Variants in GABRB3 observed in about 807,000 individuals in gnomAD.
GABRB3 encodes the protein gamma-aminobutyric acid type A receptor subunit beta3.
In GABRB3, 14 loss-of-function variants were observed where a neutral mutation model predicts 52.1. That is an observed-to-expected ratio of 0.27 (90% CI 0.18 to 0.42). The LOEUF (loss-of-function observed/expected upper bound fraction) is 0.42, where lower values mean the gene tolerates loss of function less well. Among genes scored for constraint, GABRB3 ranks in the 10% least tolerant of loss-of-function variants. The probability of loss-of-function intolerance (pLI) is 1.00; values close to 1 mark genes in which losing one functional copy is unlikely to be tolerated. For synonymous variants in GABRB3, 260 were observed against 232.3 expected (o/e 1.12, Z -1.08); for missense variants, 307 against 609.1 (o/e 0.50, Z 5.22).
intron 3 of GABRB3, chr15:26,642,607 C>T (rs1221635584): frequency 3.9e-6 from 3 of 764,116 alleles, no homozygotes. Flanking sequence ...CTATCCTACA[C>T]ATAATCCCCC....
intron 3 of GABRB3, among the ~76,000 whole-genome samples, chr15:26,633,358 G>GCTC (rs1026679107): frequency 4.1e-4 from 62 of 152,196 alleles, no homozygotes; most frequent in African/African-American, 1.4e-3. Context: ...CCCTTCCAGT[G>GCTC]CTCCAGGGCT....
At chr15:26,752,301 T>A (rs550493662) in intron 3 of GABRB3, among the ~76,000 whole-genome samples, 21 of 151,862 alleles carry the variant, frequency 1.4e-4, no homozygotes, top group African/African-American at 4.6e-4. Context: ...TCTCACTGTG[T>A]CACCCAGGCT....
At chr15:26,670,376 C>G (rs1271818921) in intron 3 of GABRB3, among the ~76,000 whole-genome samples, 1 of 152,110 alleles carries the variant, frequency 6.6e-6, no homozygotes, top group African/African-American at 2.4e-5. Context: ...GCATGGGCTC[C>G]GGGAGGTGGC....
At chr15:26,664,026 T>C (rs1314175435) in intron 3 of GABRB3, among the ~76,000 whole-genome samples, 1 of 152,204 alleles carries the variant, frequency 6.6e-6, no homozygotes, top group Non-Finnish European at 1.5e-5. Flanking sequence ...TCTTTTAAAA[T>C]AGAAATGTCT....
chr15:26,769,731 C>A (rs1421466681), intron 3 of GABRB3, among the ~76,000 whole-genome samples: 1 of 152,122 alleles, frequency 6.6e-6, no homozygotes, highest in Non-Finnish European at 1.5e-5. Context: ...CATCAAATAC[C>A]TCCTTCCTCC....
intron 5 of GABRB3, among the ~76,000 whole-genome samples, chr15:26,583,128 G>A (rs748736221): frequency 7.9e-5 from 12 of 152,002 alleles, no homozygotes; most frequent in Non-Finnish European, 1.8e-4. Flanking sequence ...CTATTTCAGC[G>A]CAGCAAACAG....
Position 26,548,145 on chromosome 15 carries a change from G to C in GABRB3, c.1081-11C>G, listed in dbSNP as rs370945916. 1.4e-5 allele frequency: 23 copies of C among 1,606,530 alleles called. No individual in the cohort carries two copies. The highest frequency in any genetic ancestry group is 2.0e-5 in the Non-Finnish European group (23 of 1,173,226). ...TCCATGAGCATCCACCTAATTGGACGGAAAATGCACATGGTTAGACAGCCA... is the reference window on the plus strand; with the variant it reads ...TCCATGAGCATCCACCTAATTGGACCGAAAATGCACATGGTTAGACAGCCA... On this transcript the variant is annotated splice_polypyrimidine_tract_variant and intron_variant, in intron 8 of 8. Transcript: ENST00000311550.
chr15:26,749,554 T>G (rs1890444280), intron 3 of GABRB3, among the ~76,000 whole-genome samples: 4 of 152,182 alleles, frequency 2.6e-5, no homozygotes, highest in African/African-American at 9.7e-5. Flanking sequence ...TGGTGTCGTT[T>G]GGTTCTTCTG....
chr15:26,767,739 T>C lies in GABRB3; in HGVS notation c.240+4663A>G, dbSNP rs74653915. ...GCAAAGCAGCTTCTAGACCCTGAAG[T>C]AGGGGGAAGGAGGACTAATTAACAT... On this transcript the variant is annotated intron_variant, in intron 3 of 8. Coordinates refer to ENST00000311550, the MANE Select transcript of GABRB3 (RefSeq NM_000814.6). Among the ~76,000 whole-genome samples, 109 of 152,320 alleles carry C rather than the reference T, an allele frequency of 7.2e-4. No homozygotes were observed. The East Asian group carries it at 0.021, about 29-fold the overall frequency.
chr15:26,771,749 C>G (rs1891149930), intron 3 of GABRB3: 1 of 152,362 alleles, frequency 6.6e-6, no homozygotes, highest in Non-Finnish European at 1.5e-5. Flanking sequence ...CAGCCTCCGA[C>G]TCTCCCGGTA....
chr15:26,730,274 C>T (rs953878628), intron 3 of GABRB3, among the ~76,000 whole-genome samples: 8 of 151,356 alleles, frequency 5.3e-5, no homozygotes, highest in Non-Finnish European at 1.2e-4. Context: ...GATGAATAGC[C>T]GGGCGTGGTA....
At chr15:26,688,877 T>C (rs1295628943) in intron 3 of GABRB3, among the ~76,000 whole-genome samples, 3 of 152,228 alleles carry the variant, frequency 2.0e-5, no homozygotes, top group Admixed American at 1.3e-4. Context: ...GACAGGACTG[T>C]AAAGCACAAA....
rs548775630 is a variant in GABRB3 at position 26,773,040 on chromosome 15, TGCCGCCGCC to T, written c.-87_-79del. The T allele has an allele frequency of 2.2e-5, 22 of 1,003,838 alleles. No individual in the cohort carries two copies. Among genetic ancestry groups the T allele is most frequent in the African/African-American group, 3.5e-5 (2 of 57,306 alleles). 62.2% of individuals were successfully genotyped at this position (1,003,838 alleles called of 1,614,324 possible). On this transcript the variant is annotated 5_prime_UTR_variant, in exon 1 of 9. Coordinates refer to ENST00000311550, the MANE Select transcript of GABRB3 (RefSeq NM_000814.6). ...CCGCAGCCGGGGCTGCTCCTGCTGC[TGCCGCCGCC>T]GCCGCCGCCGCCGCGCTGGCCCGGA...
At chr15:26,562,254 T>C (rs1265774194) in intron 7 of GABRB3, among the ~76,000 whole-genome samples, 3 of 152,196 alleles carry the variant, frequency 2.0e-5, no homozygotes, top group African/African-American at 7.2e-5. Flanking sequence ...TTGGAGACTG[T>C]ATTTTTGACA....
chr15:26,547,783 G>C lies in GABRB3; in HGVS notation c.*10C>G. 1 of 1,607,906 alleles carries C rather than the reference G, an allele frequency of 6.2e-7. No individual in the cohort carries two copies. Among genetic ancestry groups the C allele is most frequent in the South Asian group, 1.1e-5 (1 of 90,914 alleles). ...TTAAATGAAGTCTTTGAAAAATCAAGTACAGTCACTCAGTTAACATAGTAC... is the reference window on the plus strand; with the variant it reads ...TTAAATGAAGTCTTTGAAAAATCAACTACAGTCACTCAGTTAACATAGTAC... On this transcript the variant is annotated 3_prime_UTR_variant, in exon 9 of 9. Transcript: ENST00000311550.
At chr15:26,586,674 A>T (rs1891000866) in intron 4 of GABRB3, among the ~76,000 whole-genome samples, 1 of 125,026 alleles carries the variant, frequency 8.0e-6, no homozygotes, top group African/African-American at 2.9e-5. Flanking sequence ...CAAAGTGAGT[A>T]AGACTCCATC....
intron 3 of GABRB3, among the ~76,000 whole-genome samples, chr15:26,684,555 C>T (rs928858033): frequency 6.6e-6 from 1 of 152,184 alleles, no homozygotes; most frequent in Non-Finnish European, 1.5e-5. Flanking sequence ...GCCTTTCTCA[C>T]TAAGCTTAAT....
intron 4 of GABRB3, chr15:26,612,445 C>G (rs1043719467): frequency 2.0e-5 from 3 of 152,182 alleles, no homozygotes; most frequent in Admixed American, 2.0e-4. Flanking sequence ...CATGAGCCTT[C>G]CCACATACCG....
chr15:26,682,683 T>C (rs1043179590), intron 3 of GABRB3, among the ~76,000 whole-genome samples: 35 of 152,200 alleles, frequency 2.3e-4, no homozygotes, highest in African/African-American at 8.4e-4. Context: ...GACATAATGA[T>C]GGATTTGTAC....
Sources: gnomAD v4.1 joint callset for allele counts (sites outside exome capture counted in the v4.1 genomes callset) on GRCh38, gnomAD v4.1.1 for gene constraint, MANE v1.5 for transcripts, NCBI Gene and HGNC (gene_info 2026-07-23, HGNC 2026-07-21) for gene names.